Variants in OR1L8 observed in about 807,000 individuals in gnomAD.
OR1L8 encodes olfactory receptor family 1 subfamily L member 8, also known as olfactory receptor 1L8.
For synonymous variants in OR1L8, 148 were observed against 147.0 expected (o/e 1.01, Z -0.05); for missense variants, 330 against 377.4 (o/e 0.87, Z 1.04).
chr9:122,566,824 A>T (rs934864376), downstream of OR1L8, among the ~76,000 whole-genome samples: 1 of 152,182 alleles, frequency 6.6e-6, no homozygotes, highest in African/African-American at 2.4e-5. Flanking sequence ...TTAAACACAT[A>T]GTTTATGGGA....
the OR1L8 span, among the ~76,000 whole-genome samples, chr9:122,548,212 G>A: frequency 2.0e-5 from 3 of 152,166 alleles, no homozygotes; most frequent in Non-Finnish European, 4.4e-5. Context: ...TGAATTAAAT[G>A]AGGAATAGTA....
intron 1 of OR1L8, among the ~76,000 whole-genome samples, chr9:122,580,072 G>T (rs530746135): frequency 2.6e-5 from 4 of 152,154 alleles, no homozygotes; most frequent in African/African-American, 9.6e-5. Context: ...CACTAACTGG[G>T]TAATTGGTCA....
At chr9:122,551,262 A>G in the OR1L8 span, among the ~76,000 whole-genome samples, 3 of 152,210 alleles carry the variant, frequency 2.0e-5, no homozygotes, top group Non-Finnish European at 4.4e-5. Flanking sequence ...TGTACTCCAG[A>G]GTCATTACAG....
chr9:122,561,316 C>T, the OR1L8 span, among the ~76,000 whole-genome samples: 2 of 152,220 alleles, frequency 1.3e-5, no homozygotes, highest in East Asian at 3.9e-4. Flanking sequence ...TTGTTATTAC[C>T]CACCTTCTGA....
the OR1L8 span, among the ~76,000 whole-genome samples, chr9:122,555,585 C>A: frequency 6.6e-6 from 1 of 152,096 alleles, no homozygotes; most frequent in Non-Finnish European, 1.5e-5. Context: ...CTACACCATG[C>A]CATTTACAGT....
chr9:122,582,428 AAAC>A lies in OR1L8; in HGVS notation c.-600+890_-600+892del, dbSNP rs145764591. ...CAAAATTTATGAGTTTAAAAAATAC[AAAC>A]AAGGCTCGGCGCAGTGGCTCACGCT... On this transcript the variant is annotated intron_variant, in intron 1 of 4. Transcript: ENST00000641027. 2.9e-3 allele frequency among the ~76,000 whole-genome samples: 449 copies of A among 152,254 alleles called. 21 individuals carry two copies. In the East Asian group the frequency reaches 0.077, roughly 26 times the overall value.
the OR1L8 span, among the ~76,000 whole-genome samples, chr9:122,546,447 G>T: frequency 1.3e-5 from 2 of 152,150 alleles, no homozygotes; most frequent in Non-Finnish European, 2.9e-5. Flanking sequence ...CTCTTAGAAC[G>T]TTTGCTCGCA....
intron 1 of OR1L8, among the ~76,000 whole-genome samples, chr9:122,580,937 A>C (rs1380515190): frequency 1.3e-5 from 2 of 152,210 alleles, no homozygotes; most frequent in African/African-American, 2.4e-5. Flanking sequence ...AGCTACAATA[A>C]AATAAGGTCC....
Position 122,568,598 on chromosome 9 carries a change from G to C in OR1L8, c.-121C>G. The C allele has an allele frequency of 1.6e-6, 1 of 635,834 alleles. No homozygotes were observed. The highest frequency in any genetic ancestry group is 2.7e-6 in the Non-Finnish European group (1 of 373,020). The allele number at this position is 635,834 out of a possible 1,614,324, so 39.4% of individuals were successfully genotyped here. Reference sequence around the variant, plus strand: ...CTGTTTGGTCACAATTAGCTACTGTGCTAATTGTGGGATGGCTTGTTCACC... The same window carrying C: ...CTGTTTGGTCACAATTAGCTACTGTCCTAATTGTGGGATGGCTTGTTCACC... On this transcript the variant is annotated 5_prime_UTR_variant, in exon 5 of 5. Transcript: ENST00000641027.
intron 4 of OR1L8, among the ~76,000 whole-genome samples, chr9:122,571,189 T>C (rs1236275106): frequency 1.3e-5 from 2 of 152,134 alleles, no homozygotes; most frequent in Non-Finnish European, 1.5e-5. Flanking sequence ...AATCTTTCTG[T>C]GTGGTACAGA....
downstream of OR1L8, among the ~76,000 whole-genome samples, chr9:122,565,921 G>T (rs1829421130): frequency 6.6e-6 from 1 of 152,206 alleles, no homozygotes; most frequent in Non-Finnish European, 1.5e-5. Flanking sequence ...CAGGCTTGGA[G>T]TAAAGTAGGT....
chr9:122,553,261 T>A, the OR1L8 span: 1 of 1,613,860 alleles, frequency 6.2e-7, no homozygotes, highest in Admixed American at 1.7e-5. Flanking sequence ...GACTTCCTCC[T>A]TCTAGGACTC....
intron 4 of OR1L8, among the ~76,000 whole-genome samples, chr9:122,571,640 C>T (rs1000810046): frequency 1.3e-5 from 2 of 150,986 alleles, no homozygotes; most frequent in East Asian, 1.9e-4. Context: ...CGCTTGAACC[C>T]GGGAGGCGGA....
chr9:122,555,752 T>C, the OR1L8 span, among the ~76,000 whole-genome samples: 1 of 152,206 alleles, frequency 6.6e-6, no homozygotes, highest in Admixed American at 6.5e-5. Context: ...GAGCTGTTTT[T>C]GGTTTATAGA....
At chr9:122,572,276 A>G (rs2118728181) in intron 4 of OR1L8, among the ~76,000 whole-genome samples, 1 of 152,338 alleles carries the variant, frequency 6.6e-6, no homozygotes, top group South Asian at 2.1e-4. Flanking sequence ...GATCCAAACC[A>G]TATCAAATAG....
At chr9:122,555,204 C>T in the OR1L8 span, among the ~76,000 whole-genome samples, 1 of 152,166 alleles carries the variant, frequency 6.6e-6, no homozygotes, top group Admixed American at 6.5e-5. Context: ...TCAAGTTCAT[C>T]CGGGGCCAAA....
chr9:122,577,241 T>C (rs1350043060), intron 2 of OR1L8, among the ~76,000 whole-genome samples: 1 of 152,158 alleles, frequency 6.6e-6, no homozygotes, highest in East Asian at 1.9e-4. Flanking sequence ...AATTTAGTCT[T>C]TCGGTATAAG....
intron 3 of OR1L8, among the ~76,000 whole-genome samples, chr9:122,575,345 A>G (rs1007632275): frequency 2.6e-5 from 4 of 152,056 alleles, no homozygotes; most frequent in Non-Finnish European, 5.9e-5. Flanking sequence ...GGAGTTTATT[A>G]ATTATTGAGT....
downstream of OR1L8, among the ~76,000 whole-genome samples, chr9:122,566,928 A>G (rs74455019): frequency 0.018 from 2,810 of 152,234 alleles, 82 homozygotes; most frequent in African/African-American, 0.064. Flanking sequence ...GACCATTAGC[A>G]TTTTTAAATT....
Sources: gnomAD v4.1 joint callset for allele counts (sites outside exome capture counted in the v4.1 genomes callset) on GRCh38, gnomAD v4.1.1 for gene constraint, MANE v1.5 for transcripts, NCBI Gene and HGNC (gene_info 2026-07-23, HGNC 2026-07-21) for gene names.